The following MCTP1 variants were observed in gnomAD, a reference collection of about 807,000 sequenced individuals.
The protein encoded by MCTP1 is multiple C2 and transmembrane domain containing 1, also known as multiple C2 and transmembrane domain-containing protein 1.
In MCTP1, 69 loss-of-function variants were observed where a neutral mutation model predicts 120.6. The ratio of observed to expected loss-of-function variants is 0.57; its 90% CI spans 0.47 to 0.70. The LOEUF (loss-of-function observed/expected upper bound fraction) is 0.70, where lower values mean the gene tolerates loss of function less well. Among genes scored for constraint, MCTP1 ranks in the 30% least tolerant of loss-of-function variants. The pLI is 0.00. For synonymous variants in MCTP1, 529 were observed against 493.1 expected, an observed-to-expected ratio of 1.07 and a Z score of -0.96; for missense variants, 1,203 against 1,248.8, an observed-to-expected ratio of 0.96 and a Z score of 0.55.
chr5:94,991,163 T>G (rs1330735123), intron 2 of MCTP1, among the ~76,000 whole-genome samples: 2 of 152,204 alleles, frequency 1.3e-5, no homozygotes, highest in African/African-American at 4.8e-5. Context: ...GATAATTCCT[T>G]ATTTTCTTGT....
At position 95,269,228 on chromosome 5, in the gene MCTP1, C is replaced by A. The variant is rs1759163102; in HGVS notation, c.720+14628G>T. On this transcript the variant is annotated intron_variant, in intron 1 of 22. Transcript: ENST00000515393. Reference sequence around the variant, plus strand: ...GAAACATTAGAAGTTGTGCCAAATTCAGAAGACATTATCTCACACCTTGCT... The same window carrying A: ...GAAACATTAGAAGTTGTGCCAAATTAAGAAGACATTATCTCACACCTTGCT... 2.0e-5 allele frequency among the ~76,000 whole-genome samples: 3 copies of A among 152,154 alleles called. No individual in the cohort carries two copies. In the South Asian group the frequency reaches 6.2e-4, roughly 32 times the overall value.
intron 2 of MCTP1, among the ~76,000 whole-genome samples, chr5:94,991,228 A>G (rs1364811653): frequency 6.6e-6 from 1 of 152,194 alleles, no homozygotes; most frequent in Non-Finnish European, 1.5e-5. Context: ...ACTGTGCCTT[A>G]ATGTATTTCA....
At chr5:94,972,459 GGT>G (rs1827122977) in intron 2 of MCTP1, among the ~76,000 whole-genome samples, 1 of 152,036 alleles carries the variant, frequency 6.6e-6, no homozygotes, top group Non-Finnish European at 1.5e-5. Context: ...CCAAGCAACA[GGT>G]GTGGCCATGT....
intron 17 of MCTP1, among the ~76,000 whole-genome samples, chr5:94,864,067 C>T (rs951804415): frequency 1.3e-5 from 2 of 151,732 alleles, no homozygotes; most frequent in East Asian, 1.9e-4. Context: ...AGAGTGGCTT[C>T]GATGAATTGC....
chr5:94,977,606 A>C (rs1278873737), intron 2 of MCTP1, among the ~76,000 whole-genome samples: 1 of 152,182 alleles, frequency 6.6e-6, no homozygotes, highest in East Asian at 1.9e-4. Context: ...ACAGCATGGT[A>C]CTGTGAAAAA....
At chr5:94,962,930 G>A (rs950682414) in intron 2 of MCTP1, among the ~76,000 whole-genome samples, 2 of 152,064 alleles carry the variant, frequency 1.3e-5, no homozygotes, top group Admixed American at 6.6e-5. Flanking sequence ...TGTGAGGTGG[G>A]CTCTGAAAAC....
intron 1 of MCTP1, among the ~76,000 whole-genome samples, chr5:95,027,714 G>A (rs1391490353): frequency 6.6e-6 from 1 of 152,124 alleles, no homozygotes; most frequent in African/African-American, 2.4e-5. Flanking sequence ...GGGAGCTGAG[G>A]GTCCACTGCT....
intron 1 of MCTP1, among the ~76,000 whole-genome samples, chr5:95,146,049 T>C (rs1316399986): frequency 6.6e-6 from 1 of 152,060 alleles, no homozygotes; most frequent in East Asian, 1.9e-4. Flanking sequence ...AATTACTGAT[T>C]CAATTTCAGA....
At chr5:94,926,436 T>C (rs1007334759) in intron 6 of MCTP1, among the ~76,000 whole-genome samples, 2 of 152,208 alleles carry the variant, frequency 1.3e-5, no homozygotes, top group African/African-American at 4.8e-5. Context: ...CTGGTCAGAT[T>C]GCAATCACTG....
chr5:94,718,053 T>C (rs1359365292), intron 19 of MCTP1, among the ~76,000 whole-genome samples: 1 of 152,072 alleles, frequency 6.6e-6, no homozygotes, highest in Non-Finnish European at 1.5e-5. Context: ...CCCGTATAGC[T>C]AAGACAATCC....
intron 1 of MCTP1, among the ~76,000 whole-genome samples, chr5:95,051,898 A>G (rs1746023299): frequency 6.6e-6 from 1 of 152,158 alleles, no homozygotes; most frequent in African/African-American, 2.4e-5. Context: ...TGGAGGGTGG[A>G]GGAAGGAAAG....
chr5:95,227,893 T>C (rs891719360), intron 1 of MCTP1, among the ~76,000 whole-genome samples: 2 of 152,074 alleles, frequency 1.3e-5, no homozygotes, highest in Admixed American at 1.3e-4. Context: ...TCTAGTTGGG[T>C]GGAAAGTTTA....
chr5:94,868,559 A>C (rs73136007), intron 16 of MCTP1, 107 bp from the exon 17 acceptor site: 40,175 of 774,132 alleles, frequency 0.052, 1,258 homozygotes, highest in African/African-American at 0.074. Flanking sequence ...TCAGAAAGTT[A>C]ATAAAGTTAC....
intron 1 of MCTP1, among the ~76,000 whole-genome samples, chr5:95,035,126 T>C (rs1258435481): frequency 6.6e-6 from 1 of 152,088 alleles, no homozygotes; most frequent in Non-Finnish European, 1.5e-5. Context: ...TTGGTGGGAA[T>C]ATAAATTAGT....
intron 1 of MCTP1, among the ~76,000 whole-genome samples, chr5:95,231,358 A>G (rs753326183): frequency 2.8e-4 from 43 of 152,174 alleles, no homozygotes; most frequent in Admixed American, 4.6e-4. Context: ...ATATACACAT[A>G]TATAGACTTT....
rs553787481 is a variant in MCTP1 at position 94,982,833 on chromosome 5, G to A, written c.839-29472C>T. ...GAACCTGGGAGGAAGAGGCTGCAGT[G>A]AGCCAAGATCGTGCCACTGTACTCT... is the stretch of plus-strand genomic sequence containing the variant. On this transcript the variant is annotated intron_variant, in intron 2 of 22. Transcript: ENST00000515393. 3.7e-5 allele frequency among the ~76,000 whole-genome samples: 5 copies of A among 134,036 alleles called. No homozygotes were observed. In the South Asian group the frequency reaches 7.5e-4, roughly 20 times the overall value. 87.9% of individuals were successfully genotyped at this position (134,036 alleles called of 152,430 possible). A position where few individuals can be genotyped will look rare whatever the true frequency, so the allele number is the denominator to read the frequency against.
rs1380791919 is a variant in MCTP1 at position 94,799,132 on chromosome 5, G to T, written c.2437C>A (p.Leu813Ile). The T allele has an allele frequency of 1.9e-6, 3 of 1,610,756 alleles. No homozygotes were observed. Among genetic ancestry groups the T allele is most frequent in the Admixed American group, 1.7e-5 (1 of 59,810 alleles). ...AAGTTCCAGACAACAAAGAGAAAGA[G>T]CTGGAGGAGATAGAAGAGAGAAGAA... ...SPPRSLAAFV[L>I]FLFVVWNFEL... The change falls in exon 18 of 23, where the codon CTC becomes ATC. Residue 813 changes from leucine to isoleucine, a missense_variant and splice_region_variant. Leu to Ile is a conservative substitution (Grantham distance 5, BLOSUM62 2). Coordinates refer to ENST00000515393, the MANE Select transcript of MCTP1 (RefSeq NM_024717.7).
intron 6 of MCTP1, chr5:94,929,570 A>G: frequency 3.9e-6 from 3 of 768,560 alleles, no homozygotes; most frequent in South Asian, 5.9e-5. Context: ...AAAATGATGC[A>G]TTTTCATAAA....
chr5:94,966,760 G>A (rs6859308), intron 2 of MCTP1, among the ~76,000 whole-genome samples: 56,751 of 151,010 alleles, frequency 0.38, 10,829 homozygotes, highest in Middle Eastern at 0.43. Context: ...GTGCCACTGC[G>A]CTCCAGCCTG....
Sources: gnomAD v4.1 joint callset for allele counts (sites outside exome capture counted in the v4.1 genomes callset) on GRCh38, gnomAD v4.1.1 for gene constraint, MANE v1.5 for transcripts, NCBI Gene and HGNC (gene_info 2026-07-23, HGNC 2026-07-21) for gene names.